GNAL: variants seen among roughly 807,000 people sequenced by gnomAD.
GNAL encodes the protein G protein subunit alpha L.
A neutral mutation model predicts 55.1 loss-of-function variants in GNAL; 18 were observed. That is an observed-to-expected ratio of 0.33 (90% CI 0.23 to 0.48). The LOEUF (loss-of-function observed/expected upper bound fraction) is 0.48. Ranked by LOEUF, GNAL falls within the 20% of genes least tolerant of loss-of-function variation. The pLI is 0.99. For synonymous variants in GNAL, 253 were observed against 237.0 expected, an observed-to-expected ratio of 1.07 and a Z score of -0.62; for missense variants, 412 against 614.1, an observed-to-expected ratio of 0.67 and a Z score of 3.48.
chr18:11,777,630 CTT>C (rs1273439112), intron 4 of GNAL, among the ~76,000 whole-genome samples: 4 of 152,318 alleles, frequency 2.6e-5, no homozygotes, highest in Admixed American at 2.0e-4. Flanking sequence ...AATTAGCACT[CTT>C]GAAGTATTTT....
At chr18:11,710,630 C>T (rs1906990195) in intron 1 of GNAL, among the ~76,000 whole-genome samples, 1 of 139,824 alleles carries the variant, frequency 7.2e-6, no homozygotes, top group Non-Finnish European at 1.5e-5. Flanking sequence ...AATTTTTTCT[C>T]TCTCCTTTTT....
intron 11 of GNAL, 28 bp from the exon 12 acceptor site, chr18:11,880,961 G>A: frequency 1.2e-6 from 2 of 1,609,122 alleles, no homozygotes; most frequent in Middle Eastern, 1.7e-4. Flanking sequence ...GGGCCGCGCA[G>A]GGCTAGTGCA....
chr18:11,695,264 T>C (rs2031373021), intron 1 of GNAL, among the ~76,000 whole-genome samples: 1 of 152,228 alleles, frequency 6.6e-6, no homozygotes, highest in Admixed American at 6.5e-5. Flanking sequence ...CTCAAATTAA[T>C]AAAATGTAAT....
chr18:11,804,985 C>T (rs1057421307), intron 4 of GNAL, among the ~76,000 whole-genome samples: 6 of 142,588 alleles, frequency 4.2e-5, no homozygotes, highest in South Asian at 2.3e-4. Context: ...CATGGAGATA[C>T]TGTGTAGTGG....
Position 11,839,597 on chromosome 18 carries a change from G to A in GNAL, c.722+14582G>A, listed in dbSNP as rs150655353. On this transcript the variant is annotated intron_variant, in intron 5 of 11. Transcript: ENST00000334049. ...TTTTTTCTTTAAAGCTCAGATAGAC[G>A]TAAGCATAATATCTCTTCATAGCAG... 4.3e-3 allele frequency among the ~76,000 whole-genome samples: 630 copies of A among 146,496 alleles called. 6 individuals carry two copies. Among genetic ancestry groups the A allele is most frequent in the Non-Finnish European group, 5.0e-3 (330 of 66,638 alleles).
At chr18:11,782,502 G>C (rs1419943601) in intron 4 of GNAL, among the ~76,000 whole-genome samples, 1 of 152,108 alleles carries the variant, frequency 6.6e-6, no homozygotes, top group Non-Finnish European at 1.5e-5. Flanking sequence ...GCATGTATTT[G>C]TGATAAAAAT....
chr18:11,746,532 C>A, intron 1 of GNAL: 1 of 234,770 alleles, frequency 4.3e-6, no homozygotes, highest in Non-Finnish European at 8.5e-6. Flanking sequence ...ATCCCTCCAG[C>A]CCAGGAGGTT....
chr18:11,703,921 A>C (rs2031644453), intron 1 of GNAL, among the ~76,000 whole-genome samples: 1 of 152,142 alleles, frequency 6.6e-6, no homozygotes, highest in African/African-American at 2.4e-5. Context: ...CTGTGGCCTC[A>C]GAAGAAAAGC....
intron 1 of GNAL, among the ~76,000 whole-genome samples, chr18:11,744,024 T>G (rs2032636207): frequency 2.0e-5 from 3 of 152,220 alleles, no homozygotes; most frequent in South Asian, 2.1e-4. Context: ...TGTTTGGTTT[T>G]GTTTTGACAT....
chr18:11,758,743 C>A (rs1301065263), intron 4 of GNAL, among the ~76,000 whole-genome samples: 2 of 152,198 alleles, frequency 1.3e-5, no homozygotes, highest in East Asian at 3.8e-4. Flanking sequence ...CTTGACTCCC[C>A]ACTCCGTAAG....
intron 5 of GNAL, among the ~76,000 whole-genome samples, chr18:11,843,955 G>A (rs1022509927): frequency 2.0e-5 from 3 of 151,442 alleles, no homozygotes; most frequent in Non-Finnish European, 4.4e-5. Context: ...CCTGGGCAAC[G>A]GGAGTGAAAC....
chr18:11,743,190 T>C (rs1274749215), intron 1 of GNAL, among the ~76,000 whole-genome samples: 1 of 152,126 alleles, frequency 6.6e-6, no homozygotes, highest in Non-Finnish European at 1.5e-5. Context: ...AATCAGGTGT[T>C]AGCCTAGGGG....
chr18:11,769,749 C>G (rs1001593710), intron 4 of GNAL, among the ~76,000 whole-genome samples: 3 of 152,160 alleles, frequency 2.0e-5, no homozygotes, highest in Non-Finnish European at 4.4e-5. Context: ...TCAGTCATTT[C>G]CATTTCCATT....
intron 1 of GNAL, among the ~76,000 whole-genome samples, chr18:11,692,020 A>G (rs2031265292): frequency 6.6e-6 from 1 of 152,196 alleles, no homozygotes; most frequent in South Asian, 2.1e-4. Flanking sequence ...AGAATGAAAA[A>G]AAAATCACGA....
intron 4 of GNAL, among the ~76,000 whole-genome samples, chr18:11,804,195 G>A (rs2034600289): frequency 9.1e-6 from 1 of 109,744 alleles, no homozygotes; most frequent in African/African-American, 3.9e-5. Flanking sequence ...TACAGGTGCG[G>A]TTTGGATGGA....
At chr18:11,775,192 C>T (rs1232736322) in intron 4 of GNAL, among the ~76,000 whole-genome samples, 1 of 152,154 alleles carries the variant, frequency 6.6e-6, no homozygotes, top group Non-Finnish European at 1.5e-5. Context: ...TTCTGGGGGG[C>T]CCTGATGAAA....
intron 1 of GNAL, among the ~76,000 whole-genome samples, chr18:11,699,714 A>G (rs2031513712): frequency 6.6e-6 from 1 of 152,210 alleles, no homozygotes; most frequent in Non-Finnish European, 1.5e-5. Context: ...ATGGACAGAC[A>G]GCGCACAGAG....
At chr18:11,852,113 G>T (rs910214548) in intron 5 of GNAL, 4 of 1,588,178 alleles carry the variant, frequency 2.5e-6, no homozygotes, top group Non-Finnish European at 2.6e-6. Flanking sequence ...CAAGTGTGAC[G>T]GCAGAACCCG....
rs773260510 is a variant in GNAL, at chr18:11,851,489, C to T, written c.723-10906C>T. 3.3e-6 allele frequency: 5 copies of T among 1,518,360 alleles called. No homozygotes were observed. The East Asian group carries it at 9.5e-5, about 29-fold the overall frequency. 94.1% of individuals were successfully genotyped at this position (1,518,360 alleles called of 1,614,324 possible). On this transcript the variant is annotated intron_variant, in intron 5 of 11. Transcript: ENST00000334049. ...TCGGCGCGCTTCTCAGCCGGGCCGCCGACCCAAAGGAGCCGTCCGACTATG... is the reference window on the plus strand; with the variant it reads ...TCGGCGCGCTTCTCAGCCGGGCCGCTGACCCAAAGGAGCCGTCCGACTATG...
Sources: gnomAD v4.1 joint callset for allele counts (sites outside exome capture counted in the v4.1 genomes callset) on GRCh38, gnomAD v4.1.1 for gene constraint, MANE v1.5 for transcripts, NCBI Gene and HGNC (gene_info 2026-07-23, HGNC 2026-07-21) for gene names.